CYTH1: variants seen among roughly 807,000 people sequenced by gnomAD.
CYTH1 encodes cytohesin 1, also known as cytohesin-1.
A neutral mutation model predicts 61.8 loss-of-function variants in CYTH1; 18 were observed. That is an observed-to-expected ratio of 0.29 (90% confidence interval 0.20 to 0.43). The LOEUF is 0.43. Among genes scored for constraint, CYTH1 ranks in the 20% least tolerant of loss-of-function variants. The pLI, the probability that CYTH1 is intolerant of heterozygous loss-of-function variation, is 1.00. For synonymous variants in CYTH1, 174 were observed against 184.3 expected (o/e 0.94, Z 0.45); for missense variants, 336 against 510.5 (o/e 0.66, Z 3.29).
chr17:78,721,257 G>A (rs931274808), intron 1 of CYTH1, among the ~76,000 whole-genome samples: 3 of 152,084 alleles, frequency 2.0e-5, no homozygotes, highest in East Asian at 1.9e-4. Context: ...TTGAATTTGG[G>A]AGACAGAGGT....
intron 3 of CYTH1, among the ~76,000 whole-genome samples, chr17:78,704,116 G>A (rs1817724612): frequency 6.6e-6 from 1 of 152,204 alleles, no homozygotes; most frequent in Non-Finnish European, 1.5e-5. Flanking sequence ...TATCAGACGT[G>A]AAGACGCTCC....
At chr17:78,703,375 C>T (rs899347902) in intron 3 of CYTH1, among the ~76,000 whole-genome samples, 1 of 134,420 alleles carries the variant, frequency 7.4e-6, no homozygotes, top group African/African-American at 2.8e-5. Flanking sequence ...TCCACCACTG[C>T]ACTCTAGCCC....
At chr17:78,685,760 A>G (rs1460228811) in intron 11 of CYTH1, among the ~76,000 whole-genome samples, 1 of 152,070 alleles carries the variant, frequency 6.6e-6, no homozygotes, top group East Asian at 1.9e-4. Flanking sequence ...GCCGCATTTC[A>G]CATGTTTTCT....
chr17:78,707,883 G>T (rs1012184604), intron 3 of CYTH1, among the ~76,000 whole-genome samples: 4 of 152,084 alleles, frequency 2.6e-5, no homozygotes, highest in Non-Finnish European at 5.9e-5. Flanking sequence ...GTTTCACCAT[G>T]TTGGCCAGGA....
At position 78,674,296 on chromosome 17, in the gene CYTH1, CCT is replaced by C. The variant is rs1471888072; in HGVS notation, c.*1793_*1794del. 1 of 152,564 alleles carries C rather than the reference CCT, an allele frequency of 6.6e-6. No individual in the cohort carries two copies. The highest frequency in any genetic ancestry group is 6.5e-5 in the Admixed American group (1 of 15,276). 9.5% of individuals were successfully genotyped at this position (152,564 alleles called of 1,614,324 possible). On this transcript the variant is annotated 3_prime_UTR_variant, in exon 14 of 14. Transcript: ENST00000446868. ...AAATAGACTAATACTGACCCAGGTG[CCT>C]CTCTGTCTAGGAAACACTTGAGAAC...
chr17:78,720,776 G>A (rs2093221333), intron 1 of CYTH1, among the ~76,000 whole-genome samples: 1 of 152,222 alleles, frequency 6.6e-6, no homozygotes, highest in South Asian at 2.1e-4. Flanking sequence ...TTAGGAGGCT[G>A]AGGTGCGAGG....
At chr17:78,738,724 C>G (rs570195749) in intron 1 of CYTH1, among the ~76,000 whole-genome samples, 1 of 152,264 alleles carries the variant, frequency 6.6e-6, no homozygotes, top group East Asian at 1.9e-4. Flanking sequence ...TAAGTCCCAG[C>G]CTGCACCATT....
chr17:78,679,023 A>G (rs576690508), intron 13 of CYTH1, among the ~76,000 whole-genome samples: 7 of 152,328 alleles, frequency 4.6e-5, no homozygotes, highest in Admixed American at 2.0e-4. Context: ...TCCCTCCATC[A>G]TCACATCATC....
At chr17:78,759,409 G>C (rs1003849392) in intron 1 of CYTH1, among the ~76,000 whole-genome samples, 3 of 152,166 alleles carry the variant, frequency 2.0e-5, no homozygotes, top group Non-Finnish European at 4.4e-5. Flanking sequence ...CTGTTGTACA[G>C]ATCAGGGCTC....
intron 1 of CYTH1, among the ~76,000 whole-genome samples, chr17:78,726,708 T>C (rs531148689): frequency 6.6e-6 from 1 of 151,654 alleles, no homozygotes; most frequent in Non-Finnish European, 1.5e-5. Context: ...CCTTTGAATT[T>C]GACACCGAGA....
intron 1 of CYTH1, among the ~76,000 whole-genome samples, chr17:78,760,861 C>T (rs1359762823): frequency 1.6e-4 from 25 of 151,864 alleles, no homozygotes; most frequent in Admixed American, 1.5e-3. Flanking sequence ...ATAAACCCAT[C>T]GTAAAGTCAA....
intron 1 of CYTH1, among the ~76,000 whole-genome samples, chr17:78,735,705 C>T (rs368068058): frequency 1.3e-5 from 2 of 152,268 alleles, no homozygotes; most frequent in East Asian, 1.9e-4. Flanking sequence ...AAGAGGACAC[C>T]CAAGTTTTAT....
At chr17:78,689,959 G>A (rs59606758) in intron 11 of CYTH1, among the ~76,000 whole-genome samples, 39,718 of 151,452 alleles carry the variant, frequency 0.26, 6,192 homozygotes, top group East Asian at 0.35. Flanking sequence ...CCCTGCCACC[G>A]CTGCTTCCGC....
chr17:78,728,650 A>C (rs1041780007), intron 1 of CYTH1, among the ~76,000 whole-genome samples: 2 of 152,236 alleles, frequency 1.3e-5, no homozygotes, highest in Non-Finnish European at 2.9e-5. Context: ...GACAATAGTC[A>C]GAAAAATATG....
chr17:78,775,101 C>G (rs2093485832), intron 1 of CYTH1, among the ~76,000 whole-genome samples: 1 of 152,308 alleles, frequency 6.6e-6, no homozygotes, highest in Admixed American at 6.5e-5. Context: ...CCCCAGCTCC[C>G]GAGGCATCAC....
At chr17:78,681,599 A>G (rs1416624475) in intron 11 of CYTH1, among the ~76,000 whole-genome samples, 4 of 152,144 alleles carry the variant, frequency 2.6e-5, no homozygotes, top group East Asian at 3.9e-4. Context: ...ACAGAGCTGC[A>G]CCCGCCAACT....
At chr17:78,730,369 C>CAAAAAAAAAA (rs56790957) in intron 1 of CYTH1, among the ~76,000 whole-genome samples, 10 of 95,076 alleles carry the variant, frequency 1.1e-4, no homozygotes, top group South Asian at 3.9e-4. Context: ...ACTAAAAATA[C>CAAAAAAAAAA]AAAAAAAAAA....
At chr17:78,777,216 G>A (rs2093495874) in intron 1 of CYTH1, among the ~76,000 whole-genome samples, 1 of 151,742 alleles carries the variant, frequency 6.6e-6, no homozygotes, top group Non-Finnish European at 1.5e-5. Flanking sequence ...TCAGGAGATC[G>A]AGACCATCCT....
intron 1 of CYTH1, among the ~76,000 whole-genome samples, chr17:78,778,575 T>A (rs1257735456): frequency 7.0e-6 from 1 of 143,338 alleles, no homozygotes; most frequent in Admixed American, 7.3e-5. Flanking sequence ...CAGGCAGAGG[T>A]TGCAGTGAAC....
Sources: allele counts gnomAD v4.1 joint callset (sites outside exome capture counted in the v4.1 genomes callset), GRCh38; gene constraint gnomAD v4.1.1; transcripts MANE v1.5; gene names NCBI Gene and HGNC (gene_info 2026-07-23, HGNC 2026-07-21).